Variants in WWC1 observed in about 807,000 individuals in gnomAD.
WWC1 encodes the protein protein KIBRA.
WWC1 carries 55 observed loss-of-function variants against 138.4 expected under a neutral mutation model. The observed-to-expected ratio is 0.40, with a 90% CI of 0.32 to 0.50. The LOEUF is 0.50. Ranked by LOEUF, WWC1 falls within the 20% of genes least tolerant of loss-of-function variation. The pLI is 0.72. For synonymous variants in WWC1, 524 were observed against 564.9 expected (o/e 0.93, Z 1.03); for missense variants, 1,226 against 1,420.4 (o/e 0.86, Z 2.20).
intron 1 of WWC1, among the ~76,000 whole-genome samples, chr5:168,345,325 G>A (rs374977776): frequency 6.6e-5 from 10 of 152,276 alleles, no homozygotes; most frequent in East Asian, 3.9e-4. Context: ...GGCTGGTTTC[G>A]AACTCTCGAC....
intron 1 of WWC1, among the ~76,000 whole-genome samples, chr5:168,311,543 G>A (rs761001454): frequency 9.9e-5 from 15 of 152,094 alleles, no homozygotes; most frequent in Non-Finnish European, 2.1e-4. Flanking sequence ...TAATCACTTT[G>A]AGCCTGTTCC....
chr5:168,432,424 G>A (rs1408067142), intron 15 of WWC1, among the ~76,000 whole-genome samples: 2 of 152,198 alleles, frequency 1.3e-5, no homozygotes, highest in Non-Finnish European at 2.9e-5. Flanking sequence ...GAGACAGGCA[G>A]ACCCAAGTGC....
intron 3 of WWC1, among the ~76,000 whole-genome samples, chr5:168,390,099 G>C (rs1387261552): frequency 6.6e-6 from 1 of 152,166 alleles, no homozygotes; most frequent in Non-Finnish European, 1.5e-5. Flanking sequence ...CAGATTACTA[G>C]TTGTTGTAAC....
At position 168,422,075 on chromosome 5, in the gene WWC1, A is replaced by G; in HGVS notation, c.1252A>G (p.Thr418Ala). 1.2e-6 allele frequency: 2 copies of G among 1,612,764 alleles called. No homozygotes were observed. The highest frequency in any genetic ancestry group is 1.3e-5 in the African/African-American group (1 of 74,986). Residue 418 changes from threonine (T) to alanine (A), a missense_variant, in exon 10 of 23, where the codon ACT becomes GCT. Thr to Ala is a moderately conservative substitution (Grantham distance 58). Transcript: ENST00000265293. ...GGAGGAAGCCACCCGGCAGGTGGCA[A>G]CTCTGCACTCCCAGCTGAAAAGGTG... is the stretch of plus-strand genomic sequence containing the variant. Reference protein sequence around the residue: ...ELEEATRQVATLHSQLKSLSS... With the variant: ...ELEEATRQVAALHSQLKSLSS...
intron 1 of WWC1, among the ~76,000 whole-genome samples, chr5:168,294,923 G>T (rs906349408): frequency 1.3e-5 from 2 of 152,180 alleles, no homozygotes; most frequent in East Asian, 3.8e-4. Flanking sequence ...ACCACGCTTG[G>T]CCTTGGGTCA....
chr5:168,411,823 T>C (rs552042680), intron 8 of WWC1: 1 of 275,452 alleles, frequency 3.6e-6, no homozygotes, highest in East Asian at 1.8e-4. Context: ...TAGGATTCTC[T>C]AAAGGTCTAG....
intron 1 of WWC1, among the ~76,000 whole-genome samples, chr5:168,350,209 A>G (rs978831033): frequency 6.6e-6 from 1 of 152,194 alleles, no homozygotes. Context: ...CAGTTTGCAC[A>G]TGATGATCTT....
At position 168,334,439 on chromosome 5, in the gene WWC1, C is replaced by G. The variant is rs145263638; in HGVS notation, c.120-36985C>G. ...TGCTGGCCTCTCTAACCGGAGTTAT[C>G]TTTCCTGCTCTCTTCACCTACTTAC... On this transcript the variant is annotated intron_variant, in intron 1 of 22. Coordinates refer to ENST00000265293, the MANE Select transcript of WWC1 (RefSeq NM_015238.3). 2.0e-3 allele frequency among the ~76,000 whole-genome samples: 307 copies of G among 152,212 alleles called. 1 individual carries two copies. In the Middle Eastern group the frequency reaches 0.024, roughly 12 times the overall value.
intron 2 of WWC1, among the ~76,000 whole-genome samples, chr5:168,377,602 C>A (rs981369648): frequency 6.6e-6 from 1 of 151,994 alleles, no homozygotes; most frequent in Admixed American, 6.6e-5. Context: ...CAAATAACCC[C>A]ATTAGAAAGT....
intron 1 of WWC1, among the ~76,000 whole-genome samples, chr5:168,311,937 T>A (rs1966488): frequency 6.6e-6 from 1 of 151,242 alleles, no homozygotes; most frequent in Non-Finnish European, 1.5e-5. Context: ...TAATCCCAGC[T>A]ACTCAGAAGG....
chr5:168,325,282 C>G (rs1475144673), intron 1 of WWC1, among the ~76,000 whole-genome samples: 1 of 152,208 alleles, frequency 6.6e-6, no homozygotes, highest in Non-Finnish European at 1.5e-5. Context: ...TGGAACCTGC[C>G]AAGCTCACGT....
In WWC1 at chr5:168,469,256, A is replaced by G; in HGVS notation, c.*239A>G. The G allele has an allele frequency of 1.8e-6, 1 of 543,180 alleles. No homozygotes were observed. The highest frequency in any genetic ancestry group is 3.0e-5 in the East Asian group (1 of 33,746). 33.6% of individuals were successfully genotyped at this position (543,180 alleles called of 1,614,324 possible). On this transcript the variant is annotated 3_prime_UTR_variant, in exon 23 of 23. Transcript: ENST00000265293. Reference sequence around the variant, plus strand: ...AAAAAAAACCAGCATTAAAATAATAAGATTGTATAGTTTGTATATTTAGGA... The same window carrying G: ...AAAAAAAACCAGCATTAAAATAATAGGATTGTATAGTTTGTATATTTAGGA...
chr5:168,294,455 C>G (rs1769347264), intron 1 of WWC1, among the ~76,000 whole-genome samples: 1 of 152,132 alleles, frequency 6.6e-6, no homozygotes, highest in Admixed American at 6.5e-5. Flanking sequence ...TATATTTTAG[C>G]TAGGTACTGT....
intron 17 of WWC1, among the ~76,000 whole-genome samples, chr5:168,449,458 T>C (rs1755594663): frequency 6.6e-6 from 1 of 152,132 alleles, no homozygotes; most frequent in South Asian, 2.1e-4. Context: ...TGTTGTGAGG[T>C]GTAGCACCTG....
chr5:168,363,362 A>G (rs994384668), intron 1 of WWC1, among the ~76,000 whole-genome samples: 3 of 151,836 alleles, frequency 2.0e-5, no homozygotes, highest in African/African-American at 7.3e-5. Context: ...CGCCTCTACT[A>G]AAAGTACAAA....
At chr5:168,322,463 G>A (rs1772195580) in intron 1 of WWC1, among the ~76,000 whole-genome samples, 1 of 152,156 alleles carries the variant, frequency 6.6e-6, no homozygotes, top group South Asian at 2.1e-4. Flanking sequence ...GCAGAAACAG[G>A]CAATGGATAG....
chr5:168,373,898 T>C (rs377350033), intron 2 of WWC1, among the ~76,000 whole-genome samples: 1 of 151,258 alleles, frequency 6.6e-6, no homozygotes, highest in East Asian at 2.0e-4. Context: ...TACAAAAAAT[T>C]AGCTGGGCGT....
chr5:168,411,128 C>G (rs762519128), intron 8 of WWC1, among the ~76,000 whole-genome samples: 4 of 151,832 alleles, frequency 2.6e-5, no homozygotes, highest in Non-Finnish European at 5.9e-5. Flanking sequence ...GGGGTTTCAC[C>G]GTGTTAGCCA....
intron 6 of WWC1, 48 bp from the exon 7 acceptor site, chr5:168,408,459 C>A: frequency 6.3e-7 from 1 of 1,599,554 alleles, no homozygotes; most frequent in Non-Finnish European, 8.5e-7. Flanking sequence ...AGACCCAGAG[C>A]TCCCTCCTGG....
Sources: allele counts gnomAD v4.1 joint callset (sites outside exome capture counted in the v4.1 genomes callset), GRCh38; gene constraint gnomAD v4.1.1; transcripts MANE v1.5; gene names NCBI Gene and HGNC (gene_info 2026-07-23, HGNC 2026-07-21).